HEMK2: variants seen among roughly 807,000 people sequenced by gnomAD.
HEMK2 encodes the protein HemK methyltransferase 2, ETF1 glutamine and histone H4 lysine.
chr21:28,774,067 T>C, the HEMK2 span, among the ~76,000 whole-genome samples: 1 of 152,126 alleles, frequency 6.6e-6, no homozygotes, highest in Non-Finnish European at 1.5e-5. Flanking sequence ...CTGTTTAGGC[T>C]TTTCACAAGT....
chr21:28,841,568 T>C, the HEMK2 span, among the ~76,000 whole-genome samples: 1 of 144,958 alleles, frequency 6.9e-6, no homozygotes, highest in Non-Finnish European at 1.5e-5. Context: ...AACTCAGGAA[T>C]TGAAAATCAA....
chr21:28,679,196 G>A, the HEMK2 span, among the ~76,000 whole-genome samples: 1 of 152,132 alleles, frequency 6.6e-6, no homozygotes, highest in African/African-American at 2.4e-5. Context: ...AGGGATGGAG[G>A]AAGATCTACC....
chr21:28,649,321 G>A, the HEMK2 span, among the ~76,000 whole-genome samples: 2 of 152,160 alleles, frequency 1.3e-5, no homozygotes, highest in Non-Finnish European at 2.9e-5. Context: ...AATGAGGGTG[G>A]AAAGGGGGCT....
the HEMK2 span, among the ~76,000 whole-genome samples, chr21:28,743,912 T>C: frequency 1.3e-5 from 2 of 152,168 alleles, no homozygotes; most frequent in African/African-American, 2.4e-5. Flanking sequence ...TATACAGCCA[T>C]GAAAAAGAAC....
At chr21:28,882,357 A>G in the HEMK2 span, 3 of 764,488 alleles carry the variant, frequency 3.9e-6, no homozygotes, top group East Asian at 3.0e-5. Flanking sequence ...CAGATTTAGA[A>G]AAAAAAAAAT....
At chr21:28,836,067 G>A in the HEMK2 span, among the ~76,000 whole-genome samples, 21 of 152,270 alleles carry the variant, frequency 1.4e-4, no homozygotes, top group Non-Finnish European at 2.2e-4. Context: ...CATATTTTGG[G>A]GAATAATTGA....
the HEMK2 span, among the ~76,000 whole-genome samples, chr21:28,838,947 C>CAAAAAAAAAAA: frequency 1.9e-4 from 4 of 20,974 alleles, 2 homozygotes; most frequent in Non-Finnish European, 3.4e-4. Context: ...AACTCCGCCT[C>CAAAAAAAAAAA]AAAAAAAAAA....
At chr21:28,795,926 C>CTGTT in the HEMK2 span, among the ~76,000 whole-genome samples, 1 of 152,158 alleles carries the variant, frequency 6.6e-6, no homozygotes, top group Non-Finnish European at 1.5e-5. Context: ...AGCAGTTTGA[C>CTGTT]TGTTTAAAGG....
the HEMK2 span, chr21:28,885,264 C>T: frequency 6.3e-7 from 1 of 1,595,600 alleles, no homozygotes; most frequent in Non-Finnish European, 8.6e-7. Flanking sequence ...AGAAACGTGT[C>T]CTCCGCGGGC....
the HEMK2 span, among the ~76,000 whole-genome samples, chr21:28,791,185 T>C: frequency 7.2e-5 from 11 of 152,140 alleles, no homozygotes; most frequent in Admixed American, 6.5e-5. Flanking sequence ...CCCACACTCA[T>C]GAAATCAAAA....
the HEMK2 span, chr21:28,878,426 T>G: frequency 2.7e-6 from 4 of 1,479,454 alleles, no homozygotes; most frequent in Non-Finnish European, 3.7e-6. Context: ...ACCAAAAAAG[T>G]ATATATTTTG....
chr21:28,737,288 G>C, the HEMK2 span, among the ~76,000 whole-genome samples: 6,630 of 152,186 alleles, frequency 0.044, 182 homozygotes, highest in Non-Finnish European at 0.062. Context: ...CCCCACCGAG[G>C]TAAGTTTTGT....
At chr21:28,622,548 C>CTTTTTGCTTT in the HEMK2 span, among the ~76,000 whole-genome samples, 1 of 152,134 alleles carries the variant, frequency 6.6e-6, no homozygotes, top group South Asian at 2.1e-4. Flanking sequence ...AAGAACGAAG[C>CTTTTTGCTTT]TGGAGGCATC....
chr21:28,838,932 T>G, the HEMK2 span, among the ~76,000 whole-genome samples: 2 of 84,334 alleles, frequency 2.4e-5, no homozygotes, highest in East Asian at 7.6e-4. Flanking sequence ...AGAGCGAAAC[T>G]CTGAAACTCC....
the HEMK2 span, among the ~76,000 whole-genome samples, chr21:28,710,461 C>A: frequency 6.6e-6 from 1 of 152,098 alleles, no homozygotes; most frequent in Non-Finnish European, 1.5e-5. Flanking sequence ...TGCAGATGTA[C>A]AAAAGAATCT....
the HEMK2 span, among the ~76,000 whole-genome samples, chr21:28,815,958 G>A: frequency 2.6e-5 from 4 of 152,268 alleles, no homozygotes; most frequent in South Asian, 4.1e-4. Context: ...AAGAGGTTAA[G>A]TAAGGTAAAA....
chr21:28,750,029 G>T, the HEMK2 span, among the ~76,000 whole-genome samples: 1 of 152,198 alleles, frequency 6.6e-6, no homozygotes, highest in Non-Finnish European at 1.5e-5. Context: ...GCTTTTACAA[G>T]AAGCAGACAA....
At chr21:28,613,619 C>CTTTTTTTTTTTT in the HEMK2 span, among the ~76,000 whole-genome samples, 107 of 82,704 alleles carry the variant, frequency 1.3e-3, 21 homozygotes, top group African/African-American at 2.3e-3. Flanking sequence ...TCTGCATATT[C>CTTTTTTTTTTTT]TTTTTTTTTT....
chr21:28,861,073 G>A, the HEMK2 span, among the ~76,000 whole-genome samples: 1 of 152,200 alleles, frequency 6.6e-6, no homozygotes, highest in African/African-American at 2.4e-5. Flanking sequence ...ATATACCCTT[G>A]ACCAATGTCT....
Sources: allele counts gnomAD v4.1 joint callset (sites outside exome capture counted in the v4.1 genomes callset), GRCh38; gene constraint gnomAD v4.1.1; transcripts MANE v1.5; gene names NCBI Gene and HGNC (gene_info 2026-07-23, HGNC 2026-07-21).